The following DOCK3 variants were observed in gnomAD, a reference collection of about 807,000 sequenced individuals.
The protein encoded by DOCK3 is dedicator of cytokinesis protein 3.
DOCK3 carries 60 observed loss-of-function variants against 265.6 expected under a neutral mutation model. That is an observed-to-expected ratio of 0.23 (90% CI 0.18 to 0.28). DOCK3 has a LOEUF of 0.28. DOCK3 is among the 10% of genes least tolerant of loss of function. DOCK3 has a pLI of 1.00. For missense variants in DOCK3, 1,981 were observed against 2,594.3 expected, an observed-to-expected ratio of 0.76 and a Z score of 5.14; for synonymous variants, 881 against 938.0, an observed-to-expected ratio of 0.94 and a Z score of 1.11.
rs554153153 is a variant in DOCK3 at position 51,054,400 on chromosome 3, A to G, written c.316-10048A>G. ...TGTTTTTTATGAAAAATTTAGTAGT[A>G]TCTCTTTGCCCCAGTGTTCTGAAAT... On this transcript the variant is annotated intron_variant, in intron 5 of 52. Coordinates refer to ENST00000266037, the MANE Select transcript of DOCK3 (RefSeq NM_004947.5). Among the ~76,000 whole-genome samples the G allele has an allele frequency of 4.6e-5, 7 of 152,224 alleles. No homozygotes were observed. The South Asian group carries it at 8.3e-4, about 18-fold the overall frequency.
intron 5 of DOCK3, among the ~76,000 whole-genome samples, chr3:51,047,543 CATAA>C (rs1411688073): frequency 2.6e-5 from 4 of 151,956 alleles, no homozygotes; most frequent in Admixed American, 6.6e-5. Context: ...AGAGAAGACT[CATAA>C]ATAAATTCAG....
chr3:50,809,913 G>T (rs1254562384), intron 2 of DOCK3, among the ~76,000 whole-genome samples: 1 of 152,144 alleles, frequency 6.6e-6, no homozygotes, highest in African/African-American at 2.4e-5. Flanking sequence ...GTCGAGGCAG[G>T]AGAATCACTT....
At chr3:50,782,009 T>G (rs894549725) in intron 2 of DOCK3, among the ~76,000 whole-genome samples, 1 of 152,224 alleles carries the variant, frequency 6.6e-6, no homozygotes, top group Non-Finnish European at 1.5e-5. Flanking sequence ...TGTTCCACAT[T>G]TTCTGTAGTC....
In DOCK3 at chr3:50,695,709, A is replaced by G. The variant is rs559694735; in HGVS notation, c.37+20409A>G. On this transcript the variant is annotated intron_variant, in intron 1 of 52. Transcript: ENST00000266037. ...CTGTTCTGAGAGAGGAATGGACACA[A>G]TGGGCCTGGTGGGTATCTCGCTTGG... Among the ~76,000 whole-genome samples, 15 of 152,312 alleles carry G rather than the reference A, an allele frequency of 9.8e-5. No homozygotes were observed. In the East Asian group the frequency reaches 2.3e-3, roughly 23 times the overall value.
intron 1 of DOCK3, among the ~76,000 whole-genome samples, chr3:50,708,948 T>A (rs2036586608): frequency 6.6e-6 from 1 of 152,234 alleles, no homozygotes; most frequent in Admixed American, 6.5e-5. Context: ...TAGTCGCCTT[T>A]GGTCAGCCAT....
At chr3:50,994,076 C>T (rs955664719) in intron 5 of DOCK3, among the ~76,000 whole-genome samples, 4 of 152,088 alleles carry the variant, frequency 2.6e-5, no homozygotes, top group African/African-American at 9.7e-5. Flanking sequence ...GCTTCCGTAG[C>T]ATTGATATTG....
chr3:51,054,733 T>A (rs950494211), intron 5 of DOCK3, among the ~76,000 whole-genome samples: 1 of 152,206 alleles, frequency 6.6e-6, no homozygotes. Flanking sequence ...TACTGTTTTT[T>A]AATATTAAAT....
intron 3 of DOCK3, among the ~76,000 whole-genome samples, chr3:50,860,790 T>C (rs897138772): frequency 2.6e-5 from 4 of 152,218 alleles, no homozygotes; most frequent in Admixed American, 6.5e-5. Context: ...TACTTGTAGC[T>C]GGCTGGAATT....
At chr3:50,800,778 GT>G (rs1160069684) in intron 2 of DOCK3, among the ~76,000 whole-genome samples, 3 of 151,726 alleles carry the variant, frequency 2.0e-5, no homozygotes, top group Non-Finnish European at 2.9e-5. Flanking sequence ...AATCTTTCTA[GT>G]TTTTTTAATT....
chr3:50,713,128 G>T (rs2036874646), intron 1 of DOCK3, among the ~76,000 whole-genome samples: 1 of 152,180 alleles, frequency 6.6e-6, no homozygotes, highest in African/African-American at 2.4e-5. Flanking sequence ...AACCAGTATG[G>T]TGCCTCAACT....
intron 1 of DOCK3, among the ~76,000 whole-genome samples, chr3:50,711,217 C>T (rs1426061548): frequency 6.6e-6 from 1 of 150,644 alleles, no homozygotes; most frequent in African/African-American, 2.4e-5. Flanking sequence ...GTTGAACTGA[C>T]CTTGCATTTC....
intron 1 of DOCK3, among the ~76,000 whole-genome samples, chr3:50,711,451 A>G (rs575643231): frequency 3.3e-5 from 5 of 151,808 alleles, no homozygotes; most frequent in Non-Finnish European, 7.4e-5. Flanking sequence ...TTTAGTAGAG[A>G]CAGGGTTTCA....
chr3:51,118,878 A>G (rs1475696578), intron 9 of DOCK3, among the ~76,000 whole-genome samples: 4 of 151,952 alleles, frequency 2.6e-5, no homozygotes, highest in Non-Finnish European at 5.9e-5. Flanking sequence ...TTTGCACATG[A>G]GATGGGTCTT....
At chr3:51,236,253 CT>C (rs2078344158) in intron 19 of DOCK3, 91 bp from the exon 20 acceptor site, 2 of 998,150 alleles carry the variant, frequency 2.0e-6, no homozygotes, top group African/African-American at 1.6e-5. Flanking sequence ...AGATCTTTCA[CT>C]TTTTTATTGG....
At chr3:51,076,150 A>G (rs73087211) in intron 7 of DOCK3, among the ~76,000 whole-genome samples, 3,680 of 152,300 alleles carry the variant, frequency 0.024, 69 homozygotes, top group Middle Eastern at 0.041. Flanking sequence ...CTGGACAAGG[A>G]CCTAAGGAAA....
chr3:51,187,083 C>A (rs1438971099), intron 12 of DOCK3, among the ~76,000 whole-genome samples: 1 of 152,164 alleles, frequency 6.6e-6, no homozygotes, highest in Non-Finnish European at 1.5e-5. Context: ...GCACCCTGCT[C>A]CTGGAAAAGC....
intron 5 of DOCK3, among the ~76,000 whole-genome samples, chr3:50,973,635 G>A (rs74738013): frequency 7.1e-5 from 10 of 140,482 alleles, no homozygotes; most frequent in African/African-American, 2.4e-4. Context: ...ATGATTTATA[G>A]TCCTTTGGGT....
chr3:51,312,991 A>C, intron 31 of DOCK3, 89 bp downstream of exon 31: 1 of 1,261,562 alleles, frequency 7.9e-7, no homozygotes, highest in Non-Finnish European at 1.1e-6. Flanking sequence ...AGGCTTTATG[A>C]ATGTTAATTC....
intron 5 of DOCK3, among the ~76,000 whole-genome samples, chr3:51,013,681 G>A (rs2079039822): frequency 6.6e-6 from 1 of 152,150 alleles, no homozygotes; most frequent in Non-Finnish European, 1.5e-5. Flanking sequence ...ACGCCATGCT[G>A]GGAGAACCAC....
Sources: gnomAD v4.1 joint callset for allele counts (sites outside exome capture counted in the v4.1 genomes callset) on GRCh38, gnomAD v4.1.1 for gene constraint, MANE v1.5 for transcripts, NCBI Gene and HGNC (gene_info 2026-07-23, HGNC 2026-07-21) for gene names.